The following BABAM2 variants were observed in gnomAD, a reference collection of about 807,000 sequenced individuals.
The protein encoded by BABAM2 is BRISC and BRCA1-A complex member 2.
Under a neutral mutation model 54.7 loss-of-function variants are expected in BABAM2, and 31 were observed. The observed-to-expected ratio is 0.57, with a 90% CI of 0.43 to 0.77. BABAM2 has a LOEUF of 0.77. Ranked by LOEUF, BABAM2 falls within the 30% of genes least tolerant of loss-of-function variation. The pLI is 0.00. For synonymous variants in BABAM2, 167 were observed against 162.9 expected, an observed-to-expected ratio of 1.03 and a Z score of -0.19; for missense variants, 364 against 455.8, an observed-to-expected ratio of 0.80 and a Z score of 1.83.
chr2:28,245,614 C>G (rs1358505050), intron 10 of BABAM2, among the ~76,000 whole-genome samples: 1 of 152,184 alleles, frequency 6.6e-6, no homozygotes, highest in African/African-American at 2.4e-5. Flanking sequence ...TGCAAGTCAA[C>G]TGAGACCTTC....
chr2:28,152,932 G>A (rs978104843), intron 7 of BABAM2, among the ~76,000 whole-genome samples: 5 of 152,280 alleles, frequency 3.3e-5, no homozygotes, highest in Admixed American at 3.3e-4. Context: ...TTAGTTGGGG[G>A]CTGGGGTTGG....
At chr2:28,291,528 A>C (rs1294001968) in intron 10 of BABAM2, among the ~76,000 whole-genome samples, 1 of 151,352 alleles carries the variant, frequency 6.6e-6, no homozygotes, top group Admixed American at 6.6e-5. Flanking sequence ...TGGGAGGTGG[A>C]GGTTGCGGTG....
At chr2:28,175,014 C>T (rs943453368) in intron 7 of BABAM2, among the ~76,000 whole-genome samples, 3 of 152,136 alleles carry the variant, frequency 2.0e-5, no homozygotes, top group Non-Finnish European at 4.4e-5. Flanking sequence ...ATGCATGCTT[C>T]CCAGAGCCCA....
intron 5 of BABAM2, among the ~76,000 whole-genome samples, chr2:28,038,139 G>A (rs1676799700): frequency 6.6e-6 from 1 of 152,198 alleles, no homozygotes; most frequent in Non-Finnish European, 1.5e-5. Context: ...GACATAAAGA[G>A]AAAATCTTAA....
At chr2:28,222,916 C>G (rs749456376) in intron 7 of BABAM2, among the ~76,000 whole-genome samples, 2 of 152,210 alleles carry the variant, frequency 1.3e-5, no homozygotes, top group Non-Finnish European at 2.9e-5. Flanking sequence ...GCCCTGCTTC[C>G]CCGCAGGCCC....
At chr2:28,043,572 G>C (rs1021764385) in intron 5 of BABAM2, among the ~76,000 whole-genome samples, 1 of 152,110 alleles carries the variant, frequency 6.6e-6, no homozygotes, top group Non-Finnish European at 1.5e-5. Flanking sequence ...TTAACTCTAT[G>C]CTGTTATTGT....
chr2:28,246,855 C>T (rs767855332), intron 10 of BABAM2, among the ~76,000 whole-genome samples: 1 of 152,194 alleles, frequency 6.6e-6, no homozygotes, highest in Non-Finnish European at 1.5e-5. Context: ...AGAACATTCA[C>T]CTCTCAGCTC....
chr2:28,069,897 T>C (rs370405357), intron 6 of BABAM2, among the ~76,000 whole-genome samples: 4 of 152,190 alleles, frequency 2.6e-5, no homozygotes, highest in African/African-American at 7.2e-5. Context: ...TTTTTTGAGA[T>C]AGGGTCTCGC....
intron 7 of BABAM2, among the ~76,000 whole-genome samples, chr2:28,207,411 A>G (rs1389600982): frequency 1.3e-5 from 2 of 151,754 alleles, no homozygotes; most frequent in Non-Finnish European, 2.9e-5. Context: ...CAACAACAAC[A>G]TTAGCTAGGA....
chr2:28,141,543 G>A (rs1458351380), intron 7 of BABAM2, among the ~76,000 whole-genome samples: 2 of 152,098 alleles, frequency 1.3e-5, no homozygotes, highest in East Asian at 3.9e-4. Context: ...CTACTCTGAT[G>A]CCTCCCCACC....
At chr2:28,250,582 T>TC (rs1249399926) in intron 10 of BABAM2, among the ~76,000 whole-genome samples, 13 of 12,128 alleles carry the variant, frequency 1.1e-3, no homozygotes, top group South Asian at 0.018. Flanking sequence ...ATATATTTTT[T>TC]TCTTTTTTTT....
chr2:28,308,876 G>A (rs1367412581), intron 11 of BABAM2: 1 of 156,256 alleles, frequency 6.4e-6, no homozygotes, highest in Non-Finnish European at 1.4e-5. Flanking sequence ...TTGTTTCCTT[G>A]TCTATAAAAT....
Position 28,237,260 on chromosome 2 carries a change from A to G in BABAM2, c.739A>G (p.Ile247Val). The G allele has an allele frequency of 1.2e-6, 2 of 1,613,918 alleles. No individual in the cohort carries two copies. ...IPAFPGGGCLIDYVPQVCHLL... is the reference protein window; with the variant it reads ...IPAFPGGGCLVDYVPQVCHLL... ...AGCTTTTCCAGGAGGAGGATGTCTCATTGATTACGTTCCTCAAGTATGCCA... is the reference window on the plus strand; with the variant it reads ...AGCTTTTCCAGGAGGAGGATGTCTCGTTGATTACGTTCCTCAAGTATGCCA... Residue 247 changes from isoleucine (I) to valine (V), a missense_variant, in exon 8 of 12, where the codon ATT (isoleucine) becomes GTT (valine). By Grantham distance (29) the Ile-to-Val change is conservative. Coordinates refer to ENST00000379624, the MANE Select transcript of BABAM2 (RefSeq NM_199191.3).
intron 3 of BABAM2, among the ~76,000 whole-genome samples, chr2:27,973,518 A>C (rs531881279): frequency 1.3e-5 from 2 of 151,570 alleles, no homozygotes; most frequent in Admixed American, 1.3e-4. Flanking sequence ...AGCCTCTTAG[A>C]CTCTTTTCTT....
intron 5 of BABAM2, among the ~76,000 whole-genome samples, chr2:28,037,842 G>C (rs1429853552): frequency 2.0e-5 from 3 of 152,156 alleles, no homozygotes; most frequent in Non-Finnish European, 4.4e-5. Flanking sequence ...GAAAACACTA[G>C]AGAGTGATCA....
chr2:27,987,950 TAGAA>T (rs761898286), intron 3 of BABAM2, 39 bp from the exon 4 acceptor site: 14 of 1,516,160 alleles, frequency 9.2e-6, no homozygotes, highest in East Asian at 2.3e-5. Context: ...TATTCATACT[TAGAA>T]AGGAAATAAA....
At chr2:28,100,303 A>C (rs183121063) in intron 6 of BABAM2, among the ~76,000 whole-genome samples, 1 of 151,868 alleles carries the variant, frequency 6.6e-6, no homozygotes, top group Non-Finnish European at 1.5e-5. Context: ...TATCAAAAAC[A>C]TAAAAAATTA....
intron 11 of BABAM2, among the ~76,000 whole-genome samples, chr2:28,301,139 A>C (rs573313961): frequency 2.0e-5 from 3 of 152,342 alleles, no homozygotes; most frequent in Non-Finnish European, 4.4e-5. Flanking sequence ...GTACGTACAC[A>C]GTGCGTAAAA....
At chr2:27,925,543 A>G (rs1558591379) in intron 2 of BABAM2, among the ~76,000 whole-genome samples, 1 of 152,092 alleles carries the variant, frequency 6.6e-6, no homozygotes, top group Non-Finnish European at 1.5e-5. Context: ...CTGGGGGGTA[A>G]ACACAAGACT....
Sources: gnomAD v4.1 joint callset for allele counts (sites outside exome capture counted in the v4.1 genomes callset) on GRCh38, gnomAD v4.1.1 for gene constraint, MANE v1.5 for transcripts, NCBI Gene and HGNC (gene_info 2026-07-23, HGNC 2026-07-21) for gene names.